The following CEP135 variants were observed in gnomAD, a reference collection of about 807,000 sequenced individuals.
CEP135 encodes centrosomal protein of 135 kDa.
CEP135 carries 142 observed loss-of-function variants against 157.3 expected under a neutral mutation model. The ratio of observed to expected loss-of-function variants is 0.90; its 90% CI spans 0.79 to 1.04. CEP135 has a LOEUF of 1.04. CEP135 is among the 50% of genes least tolerant of loss of function. The pLI is 0.00. For missense variants in CEP135, 1,317 were observed against 1,309.2 expected, an observed-to-expected ratio of 1.01 and a Z score of -0.09; for synonymous variants, 396 against 439.8, an observed-to-expected ratio of 0.90 and a Z score of 1.25.
chr4:55,981,978 A>G (rs1729426426), intron 13 of CEP135, among the ~76,000 whole-genome samples: 1 of 152,156 alleles, frequency 6.6e-6, no homozygotes, highest in African/African-American at 2.4e-5. Flanking sequence ...CTCCTGATAA[A>G]CCCATAACAA....
At chr4:55,997,872 C>G (rs1026859972) in intron 15 of CEP135, among the ~76,000 whole-genome samples, 6 of 152,174 alleles carry the variant, frequency 3.9e-5, no homozygotes, top group African/African-American at 1.4e-4. Flanking sequence ...GTGCAGTCAC[C>G]TGAACCTGAA....
rs575389451 is a variant in CEP135, at chr4:55,963,475, G to A, written c.700-799G>A. 2.4e-4 allele frequency among the ~76,000 whole-genome samples: 37 copies of A among 152,332 alleles called. No homozygotes were observed. In the South Asian group the frequency reaches 2.9e-3, roughly 12 times the overall value. On this transcript the variant is annotated intron_variant, in intron 6 of 25. Transcript: ENST00000257287. ...AAAACCAAAGCTTGGGCCAGGAGTG[G>A]TGGCTCACGCCTATAATCCCAGCAC...
At chr4:56,018,340 A>C (rs79546938) in intron 22 of CEP135, among the ~76,000 whole-genome samples, 1 of 152,098 alleles carries the variant, frequency 6.6e-6, no homozygotes, top group Non-Finnish European at 1.5e-5. Flanking sequence ...GATTCTTTGC[A>C]AGATTTCTCA....
At chr4:56,020,056 G>A (rs1023305603) in intron 23 of CEP135, among the ~76,000 whole-genome samples, 5 of 152,194 alleles carry the variant, frequency 3.3e-5, no homozygotes, top group East Asian at 1.9e-4. Flanking sequence ...AGGTTGTACC[G>A]TGGGAGTAAT....
intron 25 of CEP135, among the ~76,000 whole-genome samples, chr4:56,026,599 T>C (rs887975082): frequency 1.3e-5 from 2 of 152,218 alleles, no homozygotes; most frequent in African/African-American, 4.8e-5. Context: ...TCATAAGCAC[T>C]TGGCAGTTTC....
chr4:55,996,797 C>T (rs1168028907), intron 15 of CEP135, among the ~76,000 whole-genome samples: 2 of 151,540 alleles, frequency 1.3e-5, no homozygotes, highest in Non-Finnish European at 2.9e-5. Flanking sequence ...CATTTTAGAA[C>T]TTGAACACTT....
chr4:55,956,750 A>G (rs1408593336), intron 4 of CEP135, among the ~76,000 whole-genome samples: 2 of 152,074 alleles, frequency 1.3e-5, no homozygotes. Flanking sequence ...AGCTGGGATT[A>G]CAGGTGCCCG....
intron 24 of CEP135, among the ~76,000 whole-genome samples, chr4:56,023,405 G>A (rs765606209): frequency 2.4e-4 from 37 of 151,850 alleles, no homozygotes; most frequent in Non-Finnish European, 5.0e-4. Context: ...TCTAGCATCT[G>A]GGCATTTAAT....
Position 56,011,820 on chromosome 4 carries a change from G to A in CEP135, c.2637G>A (p.Leu879=). The A allele has an allele frequency of 6.4e-7, 1 of 1,572,584 alleles. No individual in the cohort carries two copies. The change falls in exon 21 of 26, where the codon TTG becomes TTA. Residue 879 remains leucine (L), a synonymous_variant. Coordinates refer to ENST00000257287, the MANE Select transcript of CEP135 (RefSeq NM_025009.5). ...MAAKEKENQD[L]LDRFQMLHNR... ...ACCAGGAAAAAGAAAATCAAGATTTGTTAGATAGATTTCAGATGCTTCATA... is the reference window on the plus strand; with the variant it reads ...ACCAGGAAAAAGAAAATCAAGATTTATTAGATAGATTTCAGATGCTTCATA...
chr4:55,997,358 A>G (rs1730009333), intron 15 of CEP135, among the ~76,000 whole-genome samples: 2 of 152,142 alleles, frequency 1.3e-5, no homozygotes, highest in South Asian at 2.1e-4. Context: ...ATATATATCA[A>G]TCAAGATGTG....
At chr4:56,007,296 A>G (rs1730385882) in intron 17 of CEP135, among the ~76,000 whole-genome samples, 1 of 152,034 alleles carries the variant, frequency 6.6e-6, no homozygotes, top group Non-Finnish European at 1.5e-5. Flanking sequence ...CCTTTTTGTC[A>G]CTAGATGGTG....
intron 24 of CEP135, among the ~76,000 whole-genome samples, chr4:56,023,144 G>T (rs1731022720): frequency 6.6e-6 from 1 of 151,996 alleles, no homozygotes; most frequent in Non-Finnish European, 1.5e-5. Flanking sequence ...GAGGCGGGAG[G>T]ATCGCTTGAG....
chr4:56,019,861 C>A (rs1337600388), intron 23 of CEP135, among the ~76,000 whole-genome samples: 6 of 152,116 alleles, frequency 3.9e-5, no homozygotes, highest in Non-Finnish European at 8.8e-5. Context: ...ATCACTTGAA[C>A]CCAGGAGGTG....
intron 4 of CEP135, among the ~76,000 whole-genome samples, chr4:55,955,808 G>C (rs1728485313): frequency 6.6e-6 from 1 of 152,168 alleles, no homozygotes; most frequent in South Asian, 2.1e-4. Flanking sequence ...GATGTGTGGA[G>C]TATGCTATAC....
intron 24 of CEP135, among the ~76,000 whole-genome samples, chr4:56,023,604 T>C (rs1034734131): frequency 5.4e-5 from 8 of 146,938 alleles, no homozygotes; most frequent in Non-Finnish European, 1.0e-4. Context: ...CTATATATAA[T>C]ATGTATTATA....
intron 23 of CEP135, among the ~76,000 whole-genome samples, chr4:56,020,242 G>A (rs1490154589): frequency 1.3e-5 from 2 of 152,192 alleles, no homozygotes; most frequent in Non-Finnish European, 2.9e-5. Context: ...ATTACTTTGG[G>A]AGAGACTGAT....
At position 55,997,569 on chromosome 4, in the gene CEP135, G is replaced by A. The variant is rs1253955363; in HGVS notation, c.2010-1733G>A. Among the ~76,000 whole-genome samples, 4 of 152,322 alleles carry A rather than the reference G, an allele frequency of 2.6e-5. No individual in the cohort carries two copies. The South Asian group carries it at 8.3e-4, about 32-fold the overall frequency. The stretch of plus-strand genomic sequence containing the variant: ...GCAGGCATTTTCTCTTTCACGTAGA[G>A]GAGGTTGGCCTTCCTATATTCTGCA... On this transcript the variant is annotated intron_variant, in intron 15 of 25. Coordinates refer to ENST00000257287, the MANE Select transcript of CEP135 (RefSeq NM_025009.5).
chr4:56,011,260 CA>C (rs1164780789), intron 19 of CEP135, 151 bp from the exon 20 acceptor site: 1 of 571,954 alleles, frequency 1.7e-6, no homozygotes, highest in Non-Finnish European at 3.0e-6. Context: ...CAAGATCAGC[CA>C]GGAAAAATAT....
intron 15 of CEP135, among the ~76,000 whole-genome samples, chr4:55,998,600 C>T (rs1304110188): frequency 6.6e-6 from 1 of 152,204 alleles, no homozygotes; most frequent in African/African-American, 2.4e-5. Flanking sequence ...AATGGTGGCT[C>T]ACACCTGTAA....
Sources: allele counts gnomAD v4.1 joint callset (sites outside exome capture counted in the v4.1 genomes callset), GRCh38; gene constraint gnomAD v4.1.1; transcripts MANE v1.5; gene names NCBI Gene and HGNC (gene_info 2026-07-23, HGNC 2026-07-21).